TTC7B: variants seen among roughly 807,000 people sequenced by gnomAD.
The protein encoded by TTC7B is tetratricopeptide repeat protein 7B.
TTC7B carries 28 observed loss-of-function variants against 106.8 expected under a neutral mutation model. The ratio of observed to expected loss-of-function variants is 0.26; its 90% CI spans 0.19 to 0.36. The LOEUF is 0.36. Among genes scored for constraint, TTC7B ranks in the 10% least tolerant of loss-of-function variants. TTC7B has a pLI of 1.00. For missense variants in TTC7B, 862 were observed against 1,076.4 expected (o/e 0.80, Z 2.79); for synonymous variants, 405 against 430.6 (o/e 0.94, Z 0.74).
chr14:90,768,854 C>T (rs2896142), intron 3 of TTC7B, among the ~76,000 whole-genome samples: 15,621 of 152,182 alleles, frequency 0.1, 2,048 homozygotes, highest in African/African-American at 0.3. Context: ...TTATTATCTG[C>T]ATGACTTAAG....
intron 13 of TTC7B, among the ~76,000 whole-genome samples, chr14:90,652,106 G>A (rs1451815267): frequency 6.6e-6 from 1 of 152,096 alleles, no homozygotes; most frequent in Admixed American, 6.5e-5. Flanking sequence ...GGTGGGGCAG[G>A]AGAAACTGTG....
rs1891227483 is a variant in TTC7B, at chr14:90,575,544, G to A, written c.2310+2562C>T. Among the ~76,000 whole-genome samples, 1 of 152,176 alleles carries A rather than the reference G, an allele frequency of 6.6e-6. No homozygotes were observed. Among genetic ancestry groups the A allele is most frequent in the Non-Finnish European group, 1.5e-5 (1 of 68,032 alleles). On this transcript the variant is annotated intron_variant, in intron 19 of 19. Coordinates refer to ENST00000328459, the MANE Select transcript of TTC7B (RefSeq NM_001010854.2). The surrounding 1 kb of genome is among the most constrained non-coding windows in gnomAD (Gnocchi z 5.2). ...GGCTGAAGAGCCTGTGGGGTCCATG[G>A]GCTGCCCCTCCACAGGCACCAGAGG... is the stretch of plus-strand genomic sequence containing the variant.
chr14:90,653,939 T>C (rs368281357), intron 12 of TTC7B, among the ~76,000 whole-genome samples: 1 of 152,242 alleles, frequency 6.6e-6, no homozygotes, highest in African/African-American at 2.4e-5. Flanking sequence ...AAGTCTACTA[T>C]GTCAAAAGCT....
rs755977691 is a variant in TTC7B at position 90,689,506 on chromosome 14, C to G, written c.950+34G>C. 10 of 1,581,632 alleles carry G rather than the reference C, an allele frequency of 6.3e-6. No homozygotes were observed. In the Admixed American group the frequency reaches 1.1e-4, roughly 17 times the overall value. On this transcript the variant is annotated intron_variant, in intron 7 of 19. Coordinates refer to ENST00000328459, the MANE Select transcript of TTC7B (RefSeq NM_001010854.2). ...ATTTTCCCAAGTTTTCCTCCCAACC[C>G]ATAACCTACAAGTGAGGACATCAAC...
chr14:90,701,379 A>C (rs1014413577), intron 5 of TTC7B, among the ~76,000 whole-genome samples: 1 of 152,106 alleles, frequency 6.6e-6, no homozygotes, highest in African/African-American at 2.4e-5. Flanking sequence ...TGTAAGTGGC[A>C]CCAGACACAT....
chr14:90,774,229 C>G (rs888921982), intron 3 of TTC7B, among the ~76,000 whole-genome samples: 2 of 152,144 alleles, frequency 1.3e-5, no homozygotes, highest in African/African-American at 2.4e-5. Context: ...GCTCCGCTCA[C>G]CTGGGGCCTG....
At chr14:90,615,471 A>G (rs1189108363) in intron 16 of TTC7B, among the ~76,000 whole-genome samples, 1 of 152,192 alleles carries the variant, frequency 6.6e-6, no homozygotes, top group Non-Finnish European at 1.5e-5. Context: ...GTCTGCCAAA[A>G]TGCTTTCTGC....
intron 19 of TTC7B, among the ~76,000 whole-genome samples, chr14:90,563,234 T>C (rs1040561785): frequency 1.4e-4 from 22 of 152,062 alleles, no homozygotes; most frequent in African/African-American, 4.6e-4. Context: ...TGCTTAAAGG[T>C]AAAGCTCGAA....
At chr14:90,788,961 C>CA (rs34493796) in intron 1 of TTC7B, among the ~76,000 whole-genome samples, 155 of 138,442 alleles carry the variant, frequency 1.1e-3, no homozygotes, top group African/African-American at 1.7e-3. Context: ...GACTCCATCT[C>CA]AAAAAAAAAA....
At chr14:90,562,072 G>C (rs1890615482) in intron 19 of TTC7B, among the ~76,000 whole-genome samples, 1 of 152,040 alleles carries the variant, frequency 6.6e-6, no homozygotes, top group Non-Finnish European at 1.5e-5. Context: ...CGGGTACCAT[G>C]TACCAGCTGC....
chr14:90,744,248 G>C (rs1054115443), intron 4 of TTC7B, among the ~76,000 whole-genome samples: 1 of 152,176 alleles, frequency 6.6e-6, no homozygotes, highest in African/African-American at 2.4e-5. Context: ...GATGCACACT[G>C]TCATTTCTGC....
intron 1 of TTC7B, among the ~76,000 whole-genome samples, chr14:90,809,846 C>G (rs907363036): frequency 6.6e-6 from 1 of 152,210 alleles, no homozygotes; most frequent in Non-Finnish European, 1.5e-5. Flanking sequence ...GGGAGGGAAA[C>G]AGCCCTGAGC....
intron 9 of TTC7B, among the ~76,000 whole-genome samples, chr14:90,666,918 T>A (rs980900212): frequency 1.3e-5 from 2 of 152,220 alleles, no homozygotes; most frequent in African/African-American, 4.8e-5. Context: ...TAGACCAAGC[T>A]TGCACATTGA....
intron 15 of TTC7B, among the ~76,000 whole-genome samples, chr14:90,634,402 C>T (rs535006260): frequency 2.4e-4 from 36 of 151,706 alleles, no homozygotes; most frequent in African/African-American, 6.5e-4. Context: ...TGTGAATGGA[C>T]CAAACACTTG....
At chr14:90,700,213 T>C (rs1376743312) in intron 5 of TTC7B, among the ~76,000 whole-genome samples, 1 of 152,170 alleles carries the variant, frequency 6.6e-6, no homozygotes, top group East Asian at 1.9e-4. Context: ...AGCCTAGCAG[T>C]TTCTAGAGAG....
rs181129159 is a variant in TTC7B at position 90,752,995 on chromosome 14, C to A, written c.446-8073G>T. ...TCCCCAGATCGCTGGGCCTCCTATT[C>A]TTTGTCTGTGTCATGAAGAGTTGAA... On this transcript the variant is annotated intron_variant, in intron 3 of 19. Coordinates refer to ENST00000328459, the MANE Select transcript of TTC7B (RefSeq NM_001010854.2). 1.9e-3 allele frequency among the ~76,000 whole-genome samples: 297 copies of A among 152,360 alleles called. 4 individuals carry two copies. Among genetic ancestry groups the A allele is most frequent in the African/African-American group, 7.0e-3 (289 of 41,578 alleles).
rs147216383 is a variant in TTC7B, at chr14:90,759,223, G to A, written c.446-14301C>T. Among the ~76,000 whole-genome samples the A allele has an allele frequency of 1.8e-3, 272 of 152,162 alleles. No homozygotes were observed. Among genetic ancestry groups the A allele is most frequent in the Middle Eastern group, 3.4e-3 (1 of 294 alleles). ...ACAGAACAATCTGTGTTCTGCTCCC[G>A]CCCCCGAGAGAGTTCTGAGCTTTCC... On this transcript the variant is annotated intron_variant, in intron 3 of 19. Coordinates refer to ENST00000328459, the MANE Select transcript of TTC7B (RefSeq NM_001010854.2). The surrounding 1 kb of genome is among the most constrained non-coding windows in gnomAD (Gnocchi z 4.1).
chr14:90,591,563 C>T (rs1296320198), intron 18 of TTC7B, among the ~76,000 whole-genome samples: 1 of 152,192 alleles, frequency 6.6e-6, no homozygotes, highest in Non-Finnish European at 1.5e-5. Flanking sequence ...GAGAAACAAG[C>T]AAGAGAAGCA....
At chr14:90,720,450 T>G (rs1213189193) in intron 5 of TTC7B, among the ~76,000 whole-genome samples, 1 of 152,138 alleles carries the variant, frequency 6.6e-6, no homozygotes, top group African/African-American at 2.4e-5. Context: ...TGGCTCAGAG[T>G]GGAAGCTGAT....
Sources: allele counts gnomAD v4.1 joint callset (sites outside exome capture counted in the v4.1 genomes callset), GRCh38; gene constraint gnomAD v4.1.1; non-coding constraint Gnocchi (gnomAD v3.1); transcripts MANE v1.5; gene names NCBI Gene and HGNC (gene_info 2026-07-23, HGNC 2026-07-21).